NAV2: variants seen among roughly 807,000 people sequenced by gnomAD.
NAV2 encodes the protein neuron navigator 2.
In NAV2, 54 loss-of-function variants were observed where a neutral mutation model predicts 223.2. The ratio of observed to expected loss-of-function variants is 0.24; its 90% confidence interval spans 0.19 to 0.30. NAV2 has a LOEUF of 0.30. Ranked by LOEUF, NAV2 falls within the 10% of genes least tolerant of loss-of-function variation. The pLI is 1.00. For synonymous variants in NAV2, 1,279 were observed against 1,239.3 expected, an observed-to-expected ratio of 1.03 and a Z score of -0.67; for missense variants, 2,806 against 3,147.5, an observed-to-expected ratio of 0.89 and a Z score of 2.60.
At chr11:20,011,995 A>C (rs1479316566) in intron 11 of NAV2, among the ~76,000 whole-genome samples, 1 of 152,228 alleles carries the variant, frequency 6.6e-6, no homozygotes, top group Admixed American at 6.5e-5. Flanking sequence ...TGTGCAGATG[A>C]TGCCCTTGAG....
intron 22 of NAV2, 80 bp from the exon 23 acceptor site, chr11:20,077,472 T>G (rs1293968754): frequency 8.9e-7 from 1 of 1,121,860 alleles, no homozygotes; most frequent in Non-Finnish European, 1.3e-6. Context: ...CCACAGGATT[T>G]TCATCTTTAA....
Position 20,062,377 on chromosome 11 carries a change from C to A in NAV2, c.4884+18C>A. On this transcript the variant is annotated intron_variant, in intron 20 of 37. Coordinates refer to ENST00000349880, the MANE Select transcript of NAV2 (RefSeq NM_145117.5). ...ATTCTACAGTGAGTATAAATCAATG[C>A]TGTGTGGCTGTGATCATGAGAACTG... The A allele has an allele frequency of 2.5e-6, 4 of 1,589,488 alleles. No homozygotes were observed. Among genetic ancestry groups the A allele is most frequent in the Non-Finnish European group, 3.4e-6 (4 of 1,164,460 alleles).
rs560127627 is a variant in NAV2, at chr11:19,886,276, G to C, written c.770+6149G>C. Among the ~76,000 whole-genome samples, 4 of 152,186 alleles carry C rather than the reference G, an allele frequency of 2.6e-5. No individual in the cohort carries two copies. The East Asian group carries it at 7.7e-4, about 29-fold the overall frequency. ...TACAGGTGTGAGCCACTGAGCTGCCGAACCTAGAGTTTGGTTTTCTGAAGT... is the reference window on the plus strand; with the variant it reads ...TACAGGTGTGAGCCACTGAGCTGCCCAACCTAGAGTTTGGTTTTCTGAAGT... On this transcript the variant is annotated intron_variant, in intron 5 of 37. Transcript: ENST00000349880.
rs750971694 is a variant in NAV2 at position 19,948,860 on chromosome 11, A to G, written c.2425A>G (p.Asn809Asp). Residue 809 changes from asparagine to aspartate, a missense_variant, in exon 10 of 38, where the codon AAC (asparagine) becomes GAC (aspartate). Around this residue, in one of 4 missense-constraint regions of NAV2, gnomAD observed 1,167 missense variants for 1,180.5 expected, o/e 0.99. Coordinates refer to ENST00000349880, the MANE Select transcript of NAV2 (RefSeq NM_145117.5). Reference protein sequence around the residue: ...SMGNGYPPRANASRFINTESG... With the variant: ...SMGNGYPPRADASRFINTESG... ...GGGCAATGGGTATCCCCCTCGAGCC[A>G]ACGCCAGCAGGTTCATCAACACTGA... 4.6e-5 allele frequency: 75 copies of G among 1,613,950 alleles called. 3 individuals carry two copies. In the Admixed American group the frequency reaches 1.2e-3, roughly 25 times the overall value.
chr11:19,353,143 G>C (rs1853421369), intron 1 of NAV2, among the ~76,000 whole-genome samples: 1 of 152,166 alleles, frequency 6.6e-6, no homozygotes, highest in South Asian at 2.1e-4. Flanking sequence ...GTCTCCACCA[G>C]CATGCTTAAG....
chr11:19,679,084 C>A (rs2048802675), intron 1 of NAV2, among the ~76,000 whole-genome samples: 1 of 152,198 alleles, frequency 6.6e-6, no homozygotes, highest in Non-Finnish European at 1.5e-5. Context: ...TGTCTCCACA[C>A]ATAGAGCTAT....
intron 1 of NAV2, among the ~76,000 whole-genome samples, chr11:19,407,147 C>T (rs536251308): frequency 1.3e-5 from 2 of 152,326 alleles, no homozygotes; most frequent in East Asian, 3.9e-4. Context: ...GATTCTTTCT[C>T]TGCATATTTA....
chr11:20,029,181 G>A (rs1310134995), intron 11 of NAV2, among the ~76,000 whole-genome samples: 7 of 152,192 alleles, frequency 4.6e-5, no homozygotes, highest in Non-Finnish European at 7.3e-5. Flanking sequence ...TGTAAAGGAC[G>A]TCCGTTGGAA....
At chr11:19,920,261 TAATG>T (rs1199241265) in intron 6 of NAV2, among the ~76,000 whole-genome samples, 1 of 152,232 alleles carries the variant, frequency 6.6e-6, no homozygotes, top group African/African-American at 2.4e-5. Context: ...TTGCATGAAT[TAATG>T]AAATAATTAA....
intron 1 of NAV2, among the ~76,000 whole-genome samples, chr11:19,725,772 A>G (rs2051183072): frequency 6.6e-6 from 1 of 152,216 alleles, no homozygotes; most frequent in African/African-American, 2.4e-5. Context: ...GCCCACACCC[A>G]TGTATTAGGC....
intron 1 of NAV2, among the ~76,000 whole-genome samples, chr11:19,366,009 C>G (rs1349285490): frequency 2.0e-5 from 3 of 152,128 alleles, no homozygotes; most frequent in African/African-American, 7.2e-5. Context: ...ATTGAAGGAG[C>G]CAGAGAGGAA....
chr11:20,066,158 A>G (rs1216963587), intron 20 of NAV2, among the ~76,000 whole-genome samples: 1 of 152,240 alleles, frequency 6.6e-6, no homozygotes, highest in East Asian at 1.9e-4. Context: ...AGCATTCAAT[A>G]AATGCTAGCT....
intron 1 of NAV2, among the ~76,000 whole-genome samples, chr11:19,831,226 G>GGA (rs1555083731): frequency 5.0e-4 from 42 of 83,346 alleles, no homozygotes; most frequent in African/African-American, 1.7e-3. Context: ...AGTGTTGCGG[G>GGA]GGGGGGGGGG....
rs749988326 is a variant in NAV2, at chr11:20,080,185, A to G, written c.5301A>G (p.Ser1767=). ...SSVGSNIESD[S]KKKKRKNWLR... ...TGGGCAGCAACATAGAGAGTGACTC[A>G]AAGAAGAAGAAGCGGAAGAACTGGG... The change falls in exon 25 of 38, where the codon TCA becomes TCG. Residue 1767 remains serine (S), a synonymous_variant. Transcript: ENST00000349880. The G allele has an allele frequency of 3.1e-6, 5 of 1,613,826 alleles. No individual in the cohort carries two copies. In the East Asian group the frequency reaches 1.1e-4, roughly 36 times the overall value.
intron 6 of NAV2, among the ~76,000 whole-genome samples, chr11:19,905,920 C>G (rs2042827033): frequency 6.6e-6 from 1 of 152,058 alleles, no homozygotes; most frequent in African/African-American, 2.4e-5. Context: ...TTTTTGGACC[C>G]TCTCACCTTG....
At chr11:19,357,500 G>A (rs56067024) in intron 1 of NAV2, among the ~76,000 whole-genome samples, 4,820 of 152,172 alleles carry the variant, frequency 0.032, 263 homozygotes, top group African/African-American at 0.11. Context: ...ACAGTACTTA[G>A]CACATAAGTA....
intron 11 of NAV2, among the ~76,000 whole-genome samples, chr11:19,992,991 G>A (rs1325959386): frequency 6.6e-6 from 1 of 152,132 alleles, no homozygotes; most frequent in Non-Finnish European, 1.5e-5. Context: ...AAGATGTCTA[G>A]CAATATGAAA....
chr11:19,461,155 T>G (rs1295552514), intron 1 of NAV2, among the ~76,000 whole-genome samples: 1 of 151,878 alleles, frequency 6.6e-6, no homozygotes, highest in East Asian at 1.9e-4. Context: ...GCAACTACAG[T>G]GCTGAGTAAA....
rs538128793 is a variant in NAV2 at position 19,821,631 on chromosome 11, A to G, written c.268-10853A>G. Among the ~76,000 whole-genome samples, 13 of 144,400 alleles carry G rather than the reference A, an allele frequency of 9.0e-5. No homozygotes were observed. In the South Asian group the frequency reaches 2.5e-3, roughly 28 times the overall value. The allele number at this position is 144,400 out of a possible 152,430, so 94.7% of individuals were successfully genotyped here. On this transcript the variant is annotated intron_variant, in intron 1 of 37. Coordinates refer to ENST00000349880, the MANE Select transcript of NAV2 (RefSeq NM_145117.5). ...TTCCCTACTTGGATACAGTCCTGCA[A>G]TGGTAACTCATGTTATATTGGCATT...
Sources: gnomAD v4.1 joint callset for allele counts (sites outside exome capture counted in the v4.1 genomes callset) on GRCh38, gnomAD v4.1.1 for gene constraint, gnomAD v4.1.1 regional missense constraint, MANE v1.5 for transcripts, NCBI Gene and HGNC (gene_info 2026-07-23, HGNC 2026-07-21) for gene names.